The following ABR variants were observed in gnomAD, a reference collection of about 807,000 sequenced individuals.
ABR encodes ABR activator of RhoGEF and GTPase.
In ABR, 35 loss-of-function variants were observed where a neutral mutation model predicts 107.2. The observed-to-expected ratio is 0.33, with a 90% CI of 0.25 to 0.43. The LOEUF is 0.43. ABR is among the 20% of genes least tolerant of loss of function. ABR has a pLI of 1.00. For missense variants in ABR, 815 were observed against 1,115.2 expected (o/e 0.73, Z 3.83); for synonymous variants, 498 against 462.0 (o/e 1.08, Z -1.00).
intron 1 of ABR, among the ~76,000 whole-genome samples, chr17:1,146,652 T>G (rs1395962217): frequency 1.2e-4 from 5 of 42,008 alleles, no homozygotes; most frequent in South Asian, 6.8e-4. Context: ...CACTGCCACA[T>G]GCCACCACTG....
intron 1 of ABR, among the ~76,000 whole-genome samples, chr17:1,167,274 T>C (rs1407645434): frequency 1.3e-5 from 2 of 151,850 alleles, no homozygotes; most frequent in African/African-American, 4.8e-5. Flanking sequence ...TCCAGGACTC[T>C]CCGGGGCATC....
At chr17:1,117,398 G>A (rs377102731) in intron 2 of ABR, among the ~76,000 whole-genome samples, 3 of 59,944 alleles carry the variant, frequency 5.0e-5, no homozygotes, top group Non-Finnish European at 7.0e-5. Flanking sequence ...TTATCCCTGA[G>A]CCTGAGTTCC....
In ABR at chr17:1,179,695, G is replaced by T; in HGVS notation, c.33C>A (p.Arg11=). The part of the protein sequence containing the change: MEPLSHRGLP[R]LSWIDTLYSN... ...TGTAGAGGGTGTCGATCCAGGACAG[G>T]CGCGGCAGGCCCCGGTGGCTGAGCG... The change falls in exon 1 of 23, where the codon CGC becomes CGA. Residue 11 remains arginine (R), a synonymous_variant. Transcript: ENST00000302538. The surrounding 1 kb of genome is among the most constrained non-coding windows in gnomAD (Gnocchi z 4.9). 1 of 1,561,516 alleles carries T rather than the reference G, an allele frequency of 6.4e-7. No homozygotes were observed.
intron 1 of ABR, among the ~76,000 whole-genome samples, chr17:1,206,708 C>T (rs966596932): frequency 6.6e-6 from 1 of 151,962 alleles, no homozygotes; most frequent in African/African-American, 2.4e-5. Flanking sequence ...AGTTGGTCTG[C>T]AAACCAGCTC....
chr17:1,036,022 G>A lies in ABR; in HGVS notation c.1791+14028C>T, dbSNP rs571753456. On this transcript the variant is annotated intron_variant, in intron 16 of 22. Coordinates refer to ENST00000302538, the MANE Select transcript of ABR (RefSeq NM_021962.5). ...CTCGGTGACAGCTGGGGGTGGGGAC[G>A]GCTTCCAGGCAAATCCTCCAGCCTG... 1.2e-4 allele frequency among the ~76,000 whole-genome samples: 19 copies of A among 152,122 alleles called. No homozygotes were observed. In the Middle Eastern group the frequency reaches 0.017, roughly 136 times the overall value.
intron 1 of ABR, among the ~76,000 whole-genome samples, chr17:1,204,390 A>T (rs2042748135): frequency 6.6e-6 from 1 of 152,250 alleles, no homozygotes. Flanking sequence ...GGTTGCAGTG[A>T]GCCGAGATTG....
chr17:1,124,194 G>T (rs1360066098), intron 2 of ABR, among the ~76,000 whole-genome samples: 1 of 152,162 alleles, frequency 6.6e-6, no homozygotes, highest in African/African-American at 2.4e-5. Flanking sequence ...GAAGGAGCAG[G>T]GGGTTCTCAA....
chr17:1,172,123 G>A (rs912856670), intron 1 of ABR, among the ~76,000 whole-genome samples: 1 of 152,206 alleles, frequency 6.6e-6, no homozygotes, highest in Non-Finnish European at 1.5e-5. Context: ...ACAGGATAAA[G>A]CCTGGACAAA....
rs1452084720 is a variant in ABR at position 1,034,737 on chromosome 17, T to C, written c.1791+15313A>G. ...ACTGCTCTCCACGTTTGCGCCACAG[T>C]GCTCCTGGTGCCGTGACTTAACTTC... On this transcript the variant is annotated intron_variant, in intron 16 of 22. Coordinates refer to ENST00000302538, the MANE Select transcript of ABR (RefSeq NM_021962.5). Among the ~76,000 whole-genome samples the C allele has an allele frequency of 7.2e-5, 11 of 152,254 alleles. No individual in the cohort carries two copies. In the South Asian group the frequency reaches 1.5e-3, roughly 20 times the overall value.
At chr17:1,067,783 C>A (rs1374419310) in intron 9 of ABR, among the ~76,000 whole-genome samples, 3 of 152,178 alleles carry the variant, frequency 2.0e-5, no homozygotes. Flanking sequence ...CAAAGGACAG[C>A]AGGCAGAGGC....
Position 1,157,249 on chromosome 17 carries a change from CTT to C in ABR, c.61+22416_61+22417del, listed in dbSNP as rs545131491. On this transcript the variant is annotated intron_variant, in intron 1 of 22. Transcript: ENST00000302538. The surrounding 1 kb of genome is among the most constrained non-coding windows in gnomAD (Gnocchi z 4.7). ...GTCAGTCGTGCTACAGCGCACATTA[CTT>C]TTTTTTTTTTTTTTTTTGAGATGAA... is the stretch of plus-strand genomic sequence containing the variant. Among the ~76,000 whole-genome samples the C allele has an allele frequency of 1.4e-3, 170 of 121,758 alleles. No individual in the cohort carries two copies. The highest frequency in any genetic ancestry group is 4.1e-3 in the Middle Eastern group (1 of 246). The allele number at this position is 121,758 out of a possible 152,430, so 79.9% of individuals were successfully genotyped here.
intron 1 of ABR, among the ~76,000 whole-genome samples, chr17:1,137,873 G>C (rs2040143889): frequency 6.6e-6 from 1 of 152,016 alleles, no homozygotes; most frequent in Admixed American, 6.6e-5. Flanking sequence ...TTGGAGCAAA[G>C]GTAATATATA....
chr17:1,055,510 C>T (rs2261304), intron 14 of ABR: 142,312 of 152,394 alleles, frequency 0.93, 66,560 homozygotes, highest in African/African-American at 0.98. Flanking sequence ...TTGGAGTCCA[C>T]GTGTTTGTCG....
At chr17:1,091,974 G>A (rs2037061404) in intron 3 of ABR, 124 bp from the exon 4 acceptor site, 1 of 1,044,540 alleles carries the variant, frequency 9.6e-7, no homozygotes, top group Non-Finnish European at 1.4e-6. Context: ...GGCTGCCAAA[G>A]GCAGGGCACT....
At chr17:1,142,721 G>C (rs1056493218) in intron 1 of ABR, among the ~76,000 whole-genome samples, 1 of 152,190 alleles carries the variant, frequency 6.6e-6, no homozygotes, top group Non-Finnish European at 1.5e-5. Flanking sequence ...GGATTCGCTG[G>C]GGAAGAGAAG....
intron 1 of ABR, among the ~76,000 whole-genome samples, chr17:1,159,964 G>T (rs1453736758): frequency 6.6e-6 from 1 of 152,208 alleles, no homozygotes. Flanking sequence ...TGAACTGCAG[G>T]CCTCACACGT....
In ABR at chr17:1,200,391, A is replaced by G. The variant is rs2042649033; in HGVS notation, c.838+28402T>C. On this transcript the variant is annotated intron_variant, in intron 1 of 22. Coordinates refer to the ABR transcript ENST00000574139. The surrounding 1 kb of genome is among the most constrained non-coding windows in gnomAD (Gnocchi z 4.1). ...GTCTCCATTAAAAAAAATTTTTTTA[A>G]ATAAAGTCTATGGGAGACGTGATTA... 6.6e-6 allele frequency among the ~76,000 whole-genome samples: 1 copy of G among 152,040 alleles called. No individual in the cohort carries two copies. Among genetic ancestry groups the G allele is most frequent in the Non-Finnish European group, 1.5e-5 (1 of 68,024 alleles).
upstream of ABR, among the ~76,000 whole-genome samples, chr17:1,181,495 C>T (rs566095954): frequency 2.6e-5 from 4 of 152,312 alleles, no homozygotes; most frequent in South Asian, 8.3e-4. Context: ...CCAGCGCTGT[C>T]TCTTGCCGCC....
rs560524014 is a variant in ABR at position 1,108,187 on chromosome 17, G to A, written c.247-7452C>T. ...CTGAGGTGGAAGCTCTGAGAGGTGTGTCCAGGAGAGAAAAAGGAAGACCGC... is the reference window on the plus strand; with the variant it reads ...CTGAGGTGGAAGCTCTGAGAGGTGTATCCAGGAGAGAAAAAGGAAGACCGC... On this transcript the variant is annotated intron_variant, in intron 2 of 22. Transcript: ENST00000302538. Among the ~76,000 whole-genome samples, 12 of 152,400 alleles carry A rather than the reference G, an allele frequency of 7.9e-5. No homozygotes were observed. In the East Asian group the frequency reaches 2.3e-3, roughly 29 times the overall value.
Sources: gnomAD v4.1 joint callset for allele counts (sites outside exome capture counted in the v4.1 genomes callset) on GRCh38, gnomAD v4.1.1 for gene constraint, Gnocchi (gnomAD v3.1) non-coding constraint, MANE v1.5 for transcripts, NCBI Gene and HGNC (gene_info 2026-07-23, HGNC 2026-07-21) for gene names.